Variants in ENDOD1 observed in about 807,000 individuals in gnomAD.
ENDOD1 encodes endonuclease domain-containing 1 protein.
In ENDOD1, 9 loss-of-function variants were observed where a neutral mutation model predicts 6.5. That is an observed-to-expected ratio of 1.39 (90% confidence interval 0.84 to 2.43). The LOEUF (loss-of-function observed/expected upper bound fraction) is 2.43, where lower values mean the gene tolerates loss of function less well. ENDOD1 is among the 30% of genes most tolerant of loss of function. The pLI is 0.00. For missense variants in ENDOD1, 648 were observed against 635.5 expected, an observed-to-expected ratio of 1.02 and a Z score of -0.21; for synonymous variants, 255 against 255.2, an observed-to-expected ratio of 1.00 and a Z score of 0.01.
intron 1 of ENDOD1, among the ~76,000 whole-genome samples, chr11:95,102,217 T>C (rs1591011535): frequency 6.6e-6 from 1 of 152,214 alleles, no homozygotes; most frequent in East Asian, 1.9e-4. Context: ...TGGCCTCACA[T>C]TTAGAGGGCC....
At chr11:95,094,624 T>G (rs1555110142) in intron 1 of ENDOD1, among the ~76,000 whole-genome samples, 2 of 152,252 alleles carry the variant, frequency 1.3e-5, no homozygotes, top group African/African-American at 4.8e-5. Context: ...AGTTAGAACC[T>G]TGATTAAGTC....
intron 1 of ENDOD1, among the ~76,000 whole-genome samples, chr11:95,108,629 G>T (rs1260439295): frequency 6.6e-6 from 1 of 152,078 alleles, no homozygotes; most frequent in Non-Finnish European, 1.5e-5. Flanking sequence ...GCCAAGCACG[G>T]AAGATTTTTT....
intron 1 of ENDOD1, among the ~76,000 whole-genome samples, chr11:95,123,357 A>G (rs1438901744): frequency 2.0e-5 from 3 of 152,108 alleles, no homozygotes; most frequent in South Asian, 4.2e-4. Flanking sequence ...AAATACCTGC[A>G]TGAACAGACA....
At chr11:95,118,881 A>G (rs547378274) in intron 1 of ENDOD1, among the ~76,000 whole-genome samples, 1 of 152,040 alleles carries the variant, frequency 6.6e-6, no homozygotes, top group East Asian at 1.9e-4. Context: ...GTTACTATGT[A>G]TTTTCAAATA....
In ENDOD1 at chr11:95,090,577, C is replaced by G. The variant is rs549423947; in HGVS notation, c.300+350C>G. ...AGCTTGATACAGAGACCCTGGAGAC[C>G]GTTCAGATCCGCAGAAAGCCTAGGC... On this transcript the variant is annotated intron_variant, in intron 1 of 1. Coordinates refer to ENST00000278505, the MANE Select transcript of ENDOD1 (RefSeq NM_015036.3). Among the ~76,000 whole-genome samples, 9 of 152,324 alleles carry G rather than the reference C, an allele frequency of 5.9e-5. No individual in the cohort carries two copies. In the East Asian group the frequency reaches 1.7e-3, roughly 29 times the overall value.
Position 95,128,569 on chromosome 11 carries a change from C to G in ENDOD1, c.493C>G (p.Pro165Ala), listed in dbSNP as rs1431727685. Reference protein sequence around the residue: ...VATFTLTNSAPMTQSFQERWY... With the variant: ...VATFTLTNSAAMTQSFQERWY... ...CACATTTACTCTCACAAATTCAGCCCCAATGACTCAGTCCTTCCAGGAACG... is the reference window on the plus strand; with the variant it reads ...CACATTTACTCTCACAAATTCAGCCGCAATGACTCAGTCCTTCCAGGAACG... The change falls in exon 2 of 2, where the codon CCA becomes GCA. Residue 165 changes from proline (P) to alanine (A), a missense_variant. Coordinates refer to ENST00000278505, the MANE Select transcript of ENDOD1 (RefSeq NM_015036.3). The G allele has an allele frequency of 6.2e-7, 1 of 1,614,224 alleles. No individual in the cohort carries two copies.
In ENDOD1 at chr11:95,130,909, G is replaced by A. The variant is rs918799469; in HGVS notation, c.*1330G>A. 22 of 152,228 alleles carry A rather than the reference G, an allele frequency of 1.4e-4. No individual in the cohort carries two copies. Among genetic ancestry groups the A allele is most frequent in the Non-Finnish European group, 7.3e-5 (5 of 68,042 alleles). 9.4% of individuals were successfully genotyped at this position (152,228 alleles called of 1,614,324 possible). On this transcript the variant is annotated 3_prime_UTR_variant, in exon 2 of 2. Coordinates refer to ENST00000278505, the MANE Select transcript of ENDOD1 (RefSeq NM_015036.3). ...TGGAATCACCTGGATTTTTCTGAAT[G>A]TTTTAAAGAATTGCTGAGAGGTAGA...
At chr11:95,091,436 A>G (rs1555109860) in intron 1 of ENDOD1, among the ~76,000 whole-genome samples, 1 of 152,198 alleles carries the variant, frequency 6.6e-6, no homozygotes, top group Non-Finnish European at 1.5e-5. Context: ...TGTTGATAAC[A>G]CTTGTCGAGA....
chr11:95,097,593 G>A lies in ENDOD1; in HGVS notation c.300+7366G>A, dbSNP rs79133068. Among the ~76,000 whole-genome samples, 1,138 of 152,272 alleles carry A rather than the reference G, an allele frequency of 7.5e-3. 19 individuals carry two copies. Among genetic ancestry groups the A allele is most frequent in the African/African-American group, 0.026 (1,063 of 41,534 alleles). ...TGCAGGGTTCTGAGCAGAGAGCTTCGATGTGATCTGGCTTACATTTAAATA... is the reference window on the plus strand; with the variant it reads ...TGCAGGGTTCTGAGCAGAGAGCTTCAATGTGATCTGGCTTACATTTAAATA... On this transcript the variant is annotated intron_variant, in intron 1 of 1. Coordinates refer to ENST00000278505, the MANE Select transcript of ENDOD1 (RefSeq NM_015036.3).
chr11:95,111,307 A>G (rs116244056), intron 1 of ENDOD1, among the ~76,000 whole-genome samples: 1,859 of 151,984 alleles, frequency 0.012, 40 homozygotes, highest in African/African-American at 0.042. Flanking sequence ...GAAGTCCCCA[A>G]CCTTTTAGGC....
chr11:95,093,312 T>G (rs1380567473), intron 1 of ENDOD1, among the ~76,000 whole-genome samples: 1 of 152,214 alleles, frequency 6.6e-6, no homozygotes, highest in Admixed American at 6.5e-5. Context: ...CCAGACTGTT[T>G]GTGATGTCTG....
intron 1 of ENDOD1, among the ~76,000 whole-genome samples, chr11:95,094,403 A>G (rs1858964200): frequency 6.6e-6 from 1 of 152,072 alleles, no homozygotes; most frequent in African/African-American, 2.4e-5. Flanking sequence ...TCTAATTTTC[A>G]TCTTTTATGT....
At chr11:95,108,348 T>A (rs1345352004) in intron 1 of ENDOD1, among the ~76,000 whole-genome samples, 1 of 152,076 alleles carries the variant, frequency 6.6e-6, no homozygotes, top group African/African-American at 2.4e-5. Flanking sequence ...TGGAAATGCG[T>A]CCTTCTTCCC....
At chr11:95,095,639 A>C (rs1858976596) in intron 1 of ENDOD1, among the ~76,000 whole-genome samples, 1 of 152,212 alleles carries the variant, frequency 6.6e-6, no homozygotes, top group Non-Finnish European at 1.5e-5. Flanking sequence ...CTAGGCAAGG[A>C]ACTATCATTT....
chr11:95,126,427 A>G (rs1002485952), intron 1 of ENDOD1, among the ~76,000 whole-genome samples: 3 of 152,182 alleles, frequency 2.0e-5, no homozygotes, highest in Admixed American at 6.5e-5. Context: ...TTTGAAAGTA[A>G]CACATATTAT....
chr11:95,109,974 C>G (rs1555111748), intron 1 of ENDOD1, among the ~76,000 whole-genome samples: 1 of 152,268 alleles, frequency 6.6e-6, no homozygotes, highest in Non-Finnish European at 1.5e-5. Flanking sequence ...TGTCTCTGGA[C>G]TGCAGATCAT....
rs1859364672 is a variant in ENDOD1, at chr11:95,130,939, G to T, written c.*1360G>T. ...AAAGAATTGCTGAGAGGTAGAAACA[G>T]CCAAGTATGAAATACTGATCTTGGG... On this transcript the variant is annotated 3_prime_UTR_variant, in exon 2 of 2. Transcript: ENST00000278505. 3 of 152,244 alleles carry T rather than the reference G, an allele frequency of 2.0e-5. No homozygotes were observed. Among genetic ancestry groups the T allele is most frequent in the African/African-American group, 7.2e-5 (3 of 41,464 alleles). 9.4% of individuals were successfully genotyped at this position (152,244 alleles called of 1,614,324 possible).
chr11:95,127,172 T>C (rs1215105116), intron 1 of ENDOD1, among the ~76,000 whole-genome samples: 3 of 152,238 alleles, frequency 2.0e-5, no homozygotes, highest in Non-Finnish European at 4.4e-5. Flanking sequence ...GGCTGGGTTC[T>C]GGGGGAATAT....
At chr11:95,111,849 A>T (rs1859153845) in intron 1 of ENDOD1, among the ~76,000 whole-genome samples, 1 of 152,096 alleles carries the variant, frequency 6.6e-6, no homozygotes, top group African/African-American at 2.4e-5. Context: ...TCATGCAGAG[A>T]CTCAAGTAGC....
Sources: allele counts gnomAD v4.1 joint callset (sites outside exome capture counted in the v4.1 genomes callset), GRCh38; gene constraint gnomAD v4.1.1; transcripts MANE v1.5; gene names NCBI Gene and HGNC (gene_info 2026-07-23, HGNC 2026-07-21).